PDE4B: variants seen among roughly 807,000 people sequenced by gnomAD.
The protein encoded by PDE4B is phosphodiesterase 4B, also known as 3',5'-cyclic-AMP phosphodiesterase 4B.
In PDE4B, 20 loss-of-function variants were observed where a neutral mutation model predicts 82.2. That is an observed-to-expected ratio of 0.24 (90% CI 0.17 to 0.35). PDE4B has a LOEUF of 0.35. Among genes scored for constraint, PDE4B ranks in the 10% least tolerant of loss-of-function variants. PDE4B has a pLI of 1.00. For missense variants in PDE4B, 655 were observed against 907.2 expected, an observed-to-expected ratio of 0.72 and a Z score of 3.57; for synonymous variants, 320 against 318.9, an observed-to-expected ratio of 1.00 and a Z score of -0.04.
At chr1:66,162,171 C>T (rs775932799) in intron 3 of PDE4B, among the ~76,000 whole-genome samples, 34 of 151,944 alleles carry the variant, frequency 2.2e-4, no homozygotes, top group Admixed American at 1.8e-3. Context: ...TATAGTGTAA[C>T]GTGGTCAGTG....
rs534682351 is a variant in PDE4B, at chr1:65,939,257, T to C, written c.281+20422T>C. 3.3e-5 allele frequency among the ~76,000 whole-genome samples: 5 copies of C among 152,222 alleles called. No homozygotes were observed. In the South Asian group the frequency reaches 1.0e-3, roughly 32 times the overall value. On this transcript the variant is annotated intron_variant, in intron 3 of 16. Coordinates refer to ENST00000341517, the MANE Select transcript of PDE4B (RefSeq NM_002600.4). ...CAGAAAATAGACTACTTTTCAGCCT[T>C]TGTTGCAGCTTCCTCCAAGTCTAGC... is the stretch of plus-strand genomic sequence containing the variant.
chr1:66,038,898 CAT>C (rs1482170858), intron 3 of PDE4B, among the ~76,000 whole-genome samples: 2 of 152,084 alleles, frequency 1.3e-5, no homozygotes, highest in Non-Finnish European at 2.9e-5. Flanking sequence ...GTTTTCGTGA[CAT>C]GTTTTCACTC....
At chr1:65,957,263 T>C (rs1199255433) in intron 3 of PDE4B, among the ~76,000 whole-genome samples, 2 of 152,122 alleles carry the variant, frequency 1.3e-5, no homozygotes, top group East Asian at 3.9e-4. Flanking sequence ...TAAAAAATCC[T>C]TTCCTACCCC....
chr1:65,856,916 G>A (rs1000950409), intron 1 of PDE4B, among the ~76,000 whole-genome samples: 1 of 152,166 alleles, frequency 6.6e-6, no homozygotes, highest in Non-Finnish European at 1.5e-5. Flanking sequence ...CCCCACCTCA[G>A]TTTAATGCAA....
chr1:66,276,563 T>C (rs546696898), intron 7 of PDE4B, among the ~76,000 whole-genome samples: 2 of 152,358 alleles, frequency 1.3e-5, no homozygotes, highest in Admixed American at 1.3e-4. Flanking sequence ...AATTTCTTTC[T>C]CATCTATCCA....
chr1:66,355,045 A>G (rs1662129200), intron 8 of PDE4B: 2 of 627,816 alleles, frequency 3.2e-6, no homozygotes, highest in South Asian at 2.1e-5. Flanking sequence ...AGAGCATGTT[A>G]TATTACATTT....
At chr1:66,044,258 T>C (rs2100838047) in intron 3 of PDE4B, among the ~76,000 whole-genome samples, 2 of 151,850 alleles carry the variant, frequency 1.3e-5, no homozygotes, top group Middle Eastern at 6.8e-3. Context: ...AATATTTCTT[T>C]TAGGTATATG....
chr1:66,174,397 G>A (rs374529000), intron 3 of PDE4B, among the ~76,000 whole-genome samples: 39 of 152,220 alleles, frequency 2.6e-4, no homozygotes, highest in South Asian at 1.0e-3. Context: ...TTAGTAGGTG[G>A]AATTATGTAT....
intron 3 of PDE4B, among the ~76,000 whole-genome samples, chr1:65,990,208 TA>T (rs1233572785): frequency 6.6e-6 from 1 of 152,142 alleles, no homozygotes; most frequent in Admixed American, 6.5e-5. Flanking sequence ...AATTTGGCAA[TA>T]ATAATTGGAA....
At chr1:66,041,799 T>TACACACACACACACAC (rs376075112) in intron 3 of PDE4B, among the ~76,000 whole-genome samples, 3 of 139,034 alleles carry the variant, frequency 2.2e-5, no homozygotes, top group African/African-American at 7.8e-5. Context: ...TGCTTTGAAA[T>TACACACACACACACAC]ACACACACAC....
intron 3 of PDE4B, among the ~76,000 whole-genome samples, chr1:66,133,311 A>C (rs1483599916): frequency 6.6e-6 from 1 of 152,338 alleles, no homozygotes; most frequent in South Asian, 2.1e-4. Flanking sequence ...GGGTATCACC[A>C]TCAAACAAGT....
At chr1:66,036,578 C>T (rs1027295281) in intron 3 of PDE4B, among the ~76,000 whole-genome samples, 1 of 152,098 alleles carries the variant, frequency 6.6e-6, no homozygotes, top group African/African-American at 2.4e-5. Context: ...AAGTGACTGT[C>T]TTTTTCTCAT....
At chr1:65,910,611 G>A (rs1470591000) in intron 1 of PDE4B, among the ~76,000 whole-genome samples, 3 of 152,160 alleles carry the variant, frequency 2.0e-5, no homozygotes, top group Admixed American at 1.3e-4. Flanking sequence ...AACAAAAAGG[G>A]CTATGAAATA....
At chr1:66,203,268 G>T (rs1164742122) in intron 3 of PDE4B, among the ~76,000 whole-genome samples, 1 of 152,010 alleles carries the variant, frequency 6.6e-6, no homozygotes, top group Non-Finnish European at 1.5e-5. Flanking sequence ...TTTCTCTCTG[G>T]CTGCCCTTAA....
chr1:66,059,805 C>G (rs1655490298), intron 3 of PDE4B, among the ~76,000 whole-genome samples: 1 of 152,134 alleles, frequency 6.6e-6, no homozygotes, highest in South Asian at 2.1e-4. Flanking sequence ...ATTCAGGTAT[C>G]TTAATATTTT....
chr1:66,321,717 G>T (rs1319411451), intron 7 of PDE4B, among the ~76,000 whole-genome samples: 2 of 152,172 alleles, frequency 1.3e-5, no homozygotes, highest in Non-Finnish European at 2.9e-5. Flanking sequence ...TGGATAGGAA[G>T]AATCAATATC....
chr1:65,911,069 T>C (rs1647085179), intron 1 of PDE4B, among the ~76,000 whole-genome samples: 1 of 152,212 alleles, frequency 6.6e-6, no homozygotes, highest in East Asian at 1.9e-4. Flanking sequence ...ATGTGTCCGA[T>C]TGAAGGCACA....
intron 3 of PDE4B, among the ~76,000 whole-genome samples, chr1:66,185,410 C>T (rs12409883): frequency 0.46 from 70,131 of 151,944 alleles, 16,359 homozygotes; most frequent in African/African-American, 0.52. Flanking sequence ...CCTGAGGAAT[C>T]GCCACATTGA....
At chr1:65,793,373 C>T (rs534047620) in intron 1 of PDE4B, 125 bp downstream of exon 1, 2 of 152,394 alleles carry the variant, frequency 1.3e-5, no homozygotes, top group Non-Finnish European at 2.9e-5. Flanking sequence ...GGAATGGGGC[C>T]GCCGGGCCTG....
Sources: gnomAD v4.1 joint callset for allele counts (sites outside exome capture counted in the v4.1 genomes callset) on GRCh38, gnomAD v4.1.1 for gene constraint, MANE v1.5 for transcripts, NCBI Gene and HGNC (gene_info 2026-07-23, HGNC 2026-07-21) for gene names.